The following SNX13 variants were observed in gnomAD, a reference collection of about 807,000 sequenced individuals.
The protein encoded by SNX13 is sorting nexin-13.
Under a neutral mutation model 133.6 loss-of-function variants are expected in SNX13, and 45 were observed. The observed-to-expected ratio is 0.34, with a 90% CI of 0.27 to 0.43. SNX13 has a LOEUF of 0.43. SNX13 is among the 20% of genes least tolerant of loss of function. SNX13 has a pLI of 1.00. For missense variants in SNX13, 1,032 were observed against 1,145.1 expected (o/e 0.90, Z 1.43); for synonymous variants, 414 against 373.9 (o/e 1.11, Z -1.24).
At chr7:17,824,384 T>C (rs987549774) in intron 17 of SNX13, among the ~76,000 whole-genome samples, 1 of 152,164 alleles carries the variant, frequency 6.6e-6, no homozygotes, top group African/African-American at 2.4e-5. Context: ...GAAATAAAGA[T>C]GCTAAAAGAT....
At chr7:17,894,494 A>G (rs1473551169) in intron 2 of SNX13, among the ~76,000 whole-genome samples, 2 of 152,148 alleles carry the variant, frequency 1.3e-5, no homozygotes, top group African/African-American at 2.4e-5. Context: ...AGGGAAAAAA[A>G]AATCTAATCT....
At chr7:17,930,404 TG>T (rs1173762412) in intron 1 of SNX13, among the ~76,000 whole-genome samples, 1 of 152,168 alleles carries the variant, frequency 6.6e-6, no homozygotes. Flanking sequence ...ATATTTGGTT[TG>T]GGACTAGAGG....
intron 20 of SNX13, among the ~76,000 whole-genome samples, chr7:17,812,060 G>A (rs1583327551): frequency 6.6e-6 from 1 of 152,094 alleles, no homozygotes; most frequent in East Asian, 1.9e-4. Context: ...AGAAAACCTA[G>A]GCAATACAAT....
chr7:17,920,734 G>A (rs1358850666), intron 1 of SNX13, among the ~76,000 whole-genome samples: 1 of 152,038 alleles, frequency 6.6e-6, no homozygotes, highest in African/African-American at 2.4e-5. Flanking sequence ...GATTCTCTAT[G>A]CATAAAAATT....
intron 1 of SNX13, among the ~76,000 whole-genome samples, chr7:17,919,691 G>A (rs1216976150): frequency 1.3e-5 from 2 of 152,098 alleles, no homozygotes; most frequent in Admixed American, 1.3e-4. Flanking sequence ...CATCAGATAA[G>A]TCAATGAAAG....
intron 9 of SNX13, among the ~76,000 whole-genome samples, chr7:17,865,006 T>C (rs1298096887): frequency 1.3e-5 from 2 of 152,180 alleles, no homozygotes; most frequent in African/African-American, 4.8e-5. Flanking sequence ...CCTGCAAATT[T>C]ATCTGTCAAC....
chr7:17,868,173 T>G, intron 9 of SNX13: 1 of 419,776 alleles, frequency 2.4e-6, no homozygotes, highest in Non-Finnish European at 4.2e-6. Flanking sequence ...TTTAAAGAAA[T>G]AGTAGTAGCA....
At position 17,832,547 on chromosome 7, in the gene SNX13, T is replaced by C. The variant is rs192346120; in HGVS notation, c.1597+1505A>G. On this transcript the variant is annotated intron_variant, in intron 15 of 25. Transcript: ENST00000428135. ...GTATAAACAACAAAAACTTTTATAA[T>C]AGTCATTTTAGGATGGTTAGTTGAC... is the stretch of plus-strand genomic sequence containing the variant. The C allele has an allele frequency of 1.1e-5, 10 of 917,472 alleles. No homozygotes were observed. The East Asian group carries it at 4.7e-4, about 43-fold the overall frequency. 56.8% of individuals were successfully genotyped at this position (917,472 alleles called of 1,614,324 possible).
rs775056086 is a variant in SNX13 at position 17,798,722 on chromosome 7, A to G, written c.2481T>C (p.Pro827=). 1.9e-6 allele frequency: 3 copies of G among 1,571,330 alleles called. No homozygotes were observed. Among genetic ancestry groups the G allele is most frequent in the South Asian group, 2.4e-5 (2 of 83,058 alleles). The change falls in exon 24 of 26, where the codon CCT becomes CCC. Residue 827 remains proline, a synonymous_variant. Coordinates refer to ENST00000428135, the MANE Select transcript of SNX13 (RefSeq NM_015132.5). ...IVDHVDWMTS[P]EQVADSVKRF... ...GTTTCACTGAGTCGGCTACTTGTTC[A>G]GGTGAAGTCATCCAGTCAACATGGT...
At chr7:17,876,854 C>A (rs1414907583) in intron 5 of SNX13, among the ~76,000 whole-genome samples, 2 of 151,726 alleles carry the variant, frequency 1.3e-5, no homozygotes, top group African/African-American at 4.8e-5. Context: ...ATATAATGTT[C>A]TTTTTCATAA....
chr7:17,806,825 GGCGTCGC>G, intron 20 of SNX13, among the ~76,000 whole-genome samples: 1 of 152,298 alleles, frequency 6.6e-6, no homozygotes, highest in South Asian at 2.1e-4. Context: ...AGCAGGGTGG[GGCGTCGC>G]GTCACGCGGG....
At chr7:17,873,988 ATTC>A (rs1415259606) in intron 7 of SNX13, among the ~76,000 whole-genome samples, 1 of 152,192 alleles carries the variant, frequency 6.6e-6, no homozygotes, top group Non-Finnish European at 1.5e-5. Context: ...CATAGCTGTA[ATTC>A]TTCTTTCAAG....
chr7:17,862,204 G>C (rs1437533043), intron 9 of SNX13, among the ~76,000 whole-genome samples: 7 of 152,308 alleles, frequency 4.6e-5, no homozygotes, highest in Admixed American at 4.6e-4. Context: ...CCATGAGTGA[G>C]AGATAACCAT....
At chr7:17,878,120 A>C (rs989433547) in intron 5 of SNX13, among the ~76,000 whole-genome samples, 1 of 152,126 alleles carries the variant, frequency 6.6e-6, no homozygotes, top group African/African-American at 2.4e-5. Flanking sequence ...CCATACTTCT[A>C]CTGCATTTAC....
chr7:17,928,144 TC>T (rs1313765647), intron 1 of SNX13, among the ~76,000 whole-genome samples: 3 of 152,154 alleles, frequency 2.0e-5, no homozygotes, highest in African/African-American at 7.2e-5. Flanking sequence ...TATTAACACT[TC>T]ATTTCTTTCT....
rs183130324 is a variant in SNX13 at position 17,809,614 on chromosome 7, G to A, written c.2064+5220C>T. ...GGACTTGAACTCAGCTGTGGACCAA[G>A]CGGACCTAACAGATATCTACAGAAC... On this transcript the variant is annotated intron_variant, in intron 20 of 25. Transcript: ENST00000428135. 2.8e-3 allele frequency among the ~76,000 whole-genome samples: 429 copies of A among 152,308 alleles called. 12 individuals are homozygous for A. The highest frequency in any genetic ancestry group is 0.025 in the Admixed American group (387 of 15,280).
At chr7:17,860,943 G>A (rs1792597695) in intron 9 of SNX13, among the ~76,000 whole-genome samples, 1 of 152,168 alleles carries the variant, frequency 6.6e-6, no homozygotes, top group African/African-American at 2.4e-5. Context: ...CACTGAATCG[G>A]TAAATTGCTC....
At chr7:17,868,521 T>G in intron 8 of SNX13, 31 bp from the exon 9 acceptor site, 1 of 1,496,658 alleles carries the variant, frequency 6.7e-7, no homozygotes, top group Non-Finnish European at 9.2e-7. Context: ...AAAAACAAAT[T>G]TAATCTATTT....
intron 17 of SNX13, among the ~76,000 whole-genome samples, chr7:17,822,442 C>T (rs1043655188): frequency 1.3e-5 from 2 of 152,066 alleles, no homozygotes; most frequent in African/African-American, 4.8e-5. Flanking sequence ...TTTCTTAATC[C>T]ATTCTCTGAC....
Sources: gnomAD v4.1 joint callset for allele counts (sites outside exome capture counted in the v4.1 genomes callset) on GRCh38, gnomAD v4.1.1 for gene constraint, MANE v1.5 for transcripts, NCBI Gene and HGNC (gene_info 2026-07-23, HGNC 2026-07-21) for gene names.